The following KCNIP4 variants were observed in gnomAD, a reference collection of about 807,000 sequenced individuals.
KCNIP4 encodes potassium voltage-gated channel interacting protein 4, also known as Kv channel-interacting protein 4.
Under a neutral mutation model 34.0 loss-of-function variants are expected in KCNIP4, and 12 were observed. The ratio of observed to expected loss-of-function variants is 0.35; its 90% CI spans 0.23 to 0.57. KCNIP4 has a LOEUF of 0.57. Among genes scored for constraint, KCNIP4 ranks in the 20% least tolerant of loss-of-function variants. The pLI is 0.83. For missense variants in KCNIP4, 238 were observed against 311.7 expected (o/e 0.76, Z 1.78); for synonymous variants, 124 against 102.2 (o/e 1.21, Z -1.29).
At chr4:21,722,256 A>G (rs1163469199) in intron 1 of KCNIP4, among the ~76,000 whole-genome samples, 1 of 152,152 alleles carries the variant, frequency 6.6e-6, no homozygotes, top group East Asian at 1.9e-4. Flanking sequence ...CTCAACTGGG[A>G]AGAGAGGTAT....
intron 1 of KCNIP4, among the ~76,000 whole-genome samples, chr4:21,491,237 C>A (rs971136941): frequency 6.6e-6 from 1 of 151,996 alleles, no homozygotes; most frequent in Non-Finnish European, 1.5e-5. Flanking sequence ...GACCAGTGGA[C>A]TCTGGTGGAA....
chr4:21,948,500 G>T, intron 1 of KCNIP4, 71 bp downstream of exon 1: 1 of 1,522,612 alleles, frequency 6.6e-7, no homozygotes, highest in Non-Finnish European at 8.9e-7. Flanking sequence ...GAAGGGAAGG[G>T]GCAGCCGTCT....
At chr4:21,572,334 G>A (rs1181628625) in intron 1 of KCNIP4, among the ~76,000 whole-genome samples, 1 of 152,126 alleles carries the variant, frequency 6.6e-6, no homozygotes, top group Admixed American at 6.6e-5. Flanking sequence ...AGCCTGAAGA[G>A]TTTATGATGG....
intron 1 of KCNIP4, among the ~76,000 whole-genome samples, chr4:21,507,646 A>G (rs1253586796): frequency 1.3e-5 from 2 of 152,204 alleles, no homozygotes; most frequent in African/African-American, 4.8e-5. Context: ...GGAGACAAAT[A>G]CAGTACTGCT....
intron 1 of KCNIP4, among the ~76,000 whole-genome samples, chr4:21,881,965 A>G (rs914508976): frequency 1.3e-5 from 2 of 152,192 alleles, no homozygotes; most frequent in Non-Finnish European, 2.9e-5. Flanking sequence ...GATACTACGC[A>G]TGGAAAAGAT....
At chr4:21,233,962 CATATATT>C (rs1219460856) in intron 1 of KCNIP4, among the ~76,000 whole-genome samples, 1 of 135,416 alleles carries the variant, frequency 7.4e-6, no homozygotes, top group African/African-American at 2.8e-5. Flanking sequence ...ACATATATAA[CATATATT>C]ATATAACATA....
At chr4:21,490,529 C>T (rs1560456009) in intron 1 of KCNIP4, among the ~76,000 whole-genome samples, 1 of 152,056 alleles carries the variant, frequency 6.6e-6, no homozygotes, top group Non-Finnish European at 1.5e-5. Context: ...CCAACAAAAA[C>T]ACATTACATA....
At chr4:21,321,125 T>C (rs1714366971) in intron 1 of KCNIP4, among the ~76,000 whole-genome samples, 1 of 152,136 alleles carries the variant, frequency 6.6e-6, no homozygotes, top group South Asian at 2.1e-4. Context: ...TTATTCTGCA[T>C]ACATTTGCAA....
intron 1 of KCNIP4, among the ~76,000 whole-genome samples, chr4:21,437,786 T>C (rs1727075230): frequency 6.6e-6 from 1 of 152,198 alleles, no homozygotes; most frequent in Admixed American, 6.5e-5. Context: ...CATCTCTTAC[T>C]TTTAATCTTG....
chr4:21,237,180 T>C (rs1759429572), intron 1 of KCNIP4, among the ~76,000 whole-genome samples: 2 of 152,192 alleles, frequency 1.3e-5, no homozygotes, highest in Admixed American at 6.6e-5. Flanking sequence ...ACTTTCATTC[T>C]TTGATTCTAC....
chr4:21,726,979 A>C (rs555376093), intron 1 of KCNIP4, among the ~76,000 whole-genome samples: 17 of 152,278 alleles, frequency 1.1e-4, no homozygotes, highest in African/African-American at 4.1e-4. Context: ...GGGAAGGGGA[A>C]TCTACATGTT....
intron 1 of KCNIP4, among the ~76,000 whole-genome samples, chr4:21,023,505 T>C (rs1361866595): frequency 6.6e-6 from 1 of 152,136 alleles, no homozygotes; most frequent in Non-Finnish European, 1.5e-5. Flanking sequence ...ATTGAAAAAT[T>C]AAGAAAGGAT....
chr4:20,963,964 A>G (rs1301922106), intron 1 of KCNIP4, among the ~76,000 whole-genome samples: 1 of 152,172 alleles, frequency 6.6e-6, no homozygotes, highest in African/African-American at 2.4e-5. Context: ...ATGTGGCAAA[A>G]GTGTGGTTTT....
At chr4:21,117,134 G>A (rs887312568) in intron 1 of KCNIP4, among the ~76,000 whole-genome samples, 1 of 152,052 alleles carries the variant, frequency 6.6e-6, no homozygotes, top group Non-Finnish European at 1.5e-5. Flanking sequence ...AGCTTAGGCA[G>A]GTTGCTCAGT....
intron 3 of KCNIP4, among the ~76,000 whole-genome samples, chr4:20,824,536 C>T (rs901086414): frequency 3.9e-5 from 6 of 151,936 alleles, no homozygotes; most frequent in Non-Finnish European, 8.8e-5. Context: ...AAAAATTAGC[C>T]GGGCGTGGTG....
intron 1 of KCNIP4, among the ~76,000 whole-genome samples, chr4:21,716,253 T>C (rs1714368460): frequency 6.6e-6 from 1 of 152,158 alleles, no homozygotes; most frequent in Non-Finnish European, 1.5e-5. Context: ...ATTTTTATTT[T>C]TGAGATAGAG....
intron 1 of KCNIP4, among the ~76,000 whole-genome samples, chr4:21,802,282 T>C (rs770081838): frequency 5.2e-4 from 79 of 152,304 alleles, no homozygotes; most frequent in Non-Finnish European, 2.8e-4. Context: ...TAGTATTTGA[T>C]AGACCTTACA....
At chr4:20,984,074 G>A (rs2149695840) in intron 1 of KCNIP4, 2 of 1,295,050 alleles carry the variant, frequency 1.5e-6, no homozygotes, top group South Asian at 1.5e-5. Flanking sequence ...CAAAGCCGGC[G>A]GCCCCCCGGG....
At chr4:21,291,870 AG>A (rs1253457614) in intron 1 of KCNIP4, among the ~76,000 whole-genome samples, 900 of 13,120 alleles carry the variant, frequency 0.069, 108 homozygotes, top group African/African-American at 0.21. Context: ...AAAAAAAAAA[AG>A]AAAGAAAGAA....
Sources: allele counts gnomAD v4.1 joint callset (sites outside exome capture counted in the v4.1 genomes callset), GRCh38; gene constraint gnomAD v4.1.1; transcripts MANE v1.5; gene names NCBI Gene and HGNC (gene_info 2026-07-23, HGNC 2026-07-21).